CRYL1: variants seen among roughly 807,000 people sequenced by gnomAD.
CRYL1 encodes lambda-crystallin homolog.
In CRYL1, 29 loss-of-function variants were observed where a neutral mutation model predicts 36.6. The observed-to-expected ratio is 0.79, with a 90% CI of 0.59 to 1.08. The LOEUF is 1.08. CRYL1 is among the 50% of genes least tolerant of loss of function. The probability of loss-of-function intolerance (pLI) is 0.00; values close to 1 mark genes in which losing one functional copy is unlikely to be tolerated. For missense variants in CRYL1, 411 were observed against 407.9 expected, an observed-to-expected ratio of 1.01 and a Z score of -0.06; for synonymous variants, 152 against 151.5, an observed-to-expected ratio of 1.00 and a Z score of -0.02.
intron 3 of CRYL1, chr13:20,476,736 A>G: frequency 6.6e-6 from 1 of 152,384 alleles, no homozygotes; most frequent in Non-Finnish European, 1.5e-5. Context: ...TTAAAAACGC[A>G]GGCTCAGCAG....
chr13:20,422,882 G>A (rs2031852015), intron 5 of CRYL1, among the ~76,000 whole-genome samples: 1 of 152,176 alleles, frequency 6.6e-6, no homozygotes, highest in African/African-American at 2.4e-5. Flanking sequence ...TGGGCAGTAT[G>A]GACATTTTAA....
intron 5 of CRYL1, chr13:20,427,001 A>G (rs9552174): frequency 0.2 from 198,030 of 985,476 alleles, 20,499 homozygotes; most frequent in East Asian, 0.32. Context: ...CAGCAGGCTG[A>G]GAACCTGCCG....
Position 20,404,772 on chromosome 13 carries a change from T to A in CRYL1, c.740-31A>T, listed in dbSNP as rs1413662930. On this transcript the variant is annotated intron_variant, in intron 6 of 7. Coordinates refer to ENST00000298248, the MANE Select transcript of CRYL1 (RefSeq NM_015974.3). ...ATTGTATGAAGACAAGAATCCACAA[T>A]CTCAGAAAAAAACATTCTTAGTTAT... The A allele has an allele frequency of 2.1e-6, 3 of 1,435,898 alleles. No homozygotes were observed. In the Admixed American group the frequency reaches 5.3e-5, roughly 26 times the overall value. 88.9% of individuals were successfully genotyped at this position (1,435,898 alleles called of 1,614,324 possible).
At chr13:20,508,841 G>A (rs189647697) in intron 2 of CRYL1, among the ~76,000 whole-genome samples, 112 of 104,538 alleles carry the variant, frequency 1.1e-3, no homozygotes, top group African/African-American at 4.5e-3. Flanking sequence ...GTGGCAGAGC[G>A]AGACTCCAAA....
At chr13:20,450,882 TA>T (rs1481728039) in intron 3 of CRYL1, among the ~76,000 whole-genome samples, 1 of 151,836 alleles carries the variant, frequency 6.6e-6, no homozygotes, top group African/African-American at 2.4e-5. Flanking sequence ...TATGCAGCCA[TA>T]AAAAAGGATG....
intron 5 of CRYL1, chr13:20,426,777 T>A: frequency 1.0e-6 from 1 of 985,442 alleles, no homozygotes; most frequent in Non-Finnish European, 1.2e-6. Flanking sequence ...GGCAGACATG[T>A]CTGAAGTAAA....
intron 3 of CRYL1, among the ~76,000 whole-genome samples, chr13:20,451,401 G>A (rs939112937): frequency 1.3e-5 from 2 of 152,024 alleles, no homozygotes; most frequent in Admixed American, 1.3e-4. Context: ...ATTCAACAAA[G>A]TTCTAATATT....
chr13:20,494,569 C>T (rs998225676), intron 2 of CRYL1, among the ~76,000 whole-genome samples: 6 of 152,176 alleles, frequency 3.9e-5, no homozygotes, highest in Non-Finnish European at 5.9e-5. Context: ...TATGTCTGAG[C>T]GCCTGATGTG....
chr13:20,505,381 A>AAAAT (rs1292225610), intron 2 of CRYL1, among the ~76,000 whole-genome samples: 5 of 138,838 alleles, frequency 3.6e-5, no homozygotes, highest in African/African-American at 1.3e-4. Flanking sequence ...AAAAAAAAAA[A>AAAAT]ATCAGAATAT....
At chr13:20,412,520 G>A (rs904130498) in intron 6 of CRYL1, among the ~76,000 whole-genome samples, 13 of 152,126 alleles carry the variant, frequency 8.5e-5, no homozygotes, top group African/African-American at 3.1e-4. Flanking sequence ...TAACATCTAG[G>A]TTACATCTCT....
intron 6 of CRYL1, among the ~76,000 whole-genome samples, chr13:20,409,947 AGTTCAACCATT>A (rs1405989051): frequency 1.3e-5 from 2 of 152,088 alleles, no homozygotes; most frequent in East Asian, 1.9e-4. Context: ...ACTGTAAACT[AGTTCAACCATT>A]GTGGAAGTCT....
chr13:20,432,008 A>G lies in CRYL1; in HGVS notation c.633+94T>C, dbSNP rs1304219702. 7 of 1,598,386 alleles carry G rather than the reference A, an allele frequency of 4.4e-6. No individual in the cohort carries two copies. In the African/African-American group the frequency reaches 8.0e-5, roughly 18 times the overall value. ...ACTTTCCCAGCTTCCAGGCTGCCCA[A>G]GGAACAACTTTCACTGTCCTGCTCA... On this transcript the variant is annotated intron_variant, in intron 5 of 7. Transcript: ENST00000298248.
In CRYL1 at chr13:20,428,144, A is replaced by T. The variant is rs1310328218; in HGVS notation, c.633+3958T>A. On this transcript the variant is annotated intron_variant, in intron 5 of 7. Transcript: ENST00000298248. Reference sequence around the variant, plus strand: ...CAATCTCTTCCAGAAAATAGGAGGAAGAACTTCCCAATTCATTGTATGCAG... The same window carrying T: ...CAATCTCTTCCAGAAAATAGGAGGATGAACTTCCCAATTCATTGTATGCAG... Among the ~76,000 whole-genome samples, 4 of 152,350 alleles carry T rather than the reference A, an allele frequency of 2.6e-5. No individual in the cohort carries two copies. The East Asian group carries it at 7.7e-4, about 29-fold the overall frequency.
At chr13:20,496,470 G>A (rs970087505) in intron 2 of CRYL1, among the ~76,000 whole-genome samples, 5 of 152,150 alleles carry the variant, frequency 3.3e-5, no homozygotes, top group Admixed American at 6.5e-5. Flanking sequence ...TTAGAAAATC[G>A]TTTTGGCTAG....
Position 20,404,669 on chromosome 13 carries a change from T to C in CRYL1, c.812A>G (p.Glu271Gly), listed in dbSNP as rs769490135. The C allele has an allele frequency of 6.2e-7, 1 of 1,613,844 alleles. No homozygotes were observed. The change falls in exon 7 of 8, where the codon GAG becomes GGG. Residue 271 changes from glutamate to glycine, a missense_variant. By Grantham distance (98) the Glu-to-Gly change is moderately conservative. Transcript: ENST00000298248. ...CTTCTCAGCAGTGGCCCTGGAAAAC[T>C]CTGGAATGGGTCCAAAAGTCTGTAG... ...HVLQTFGPIP[E>G]FSRATAEKVN...
At chr13:20,479,473 C>T (rs184427750) in intron 3 of CRYL1, among the ~76,000 whole-genome samples, 1 of 152,232 alleles carries the variant, frequency 6.6e-6, no homozygotes, top group Non-Finnish European at 1.5e-5. Context: ...GTTTAACTTA[C>T]AATCGCACAG....
At chr13:20,472,608 A>G (rs988472893) in intron 3 of CRYL1, among the ~76,000 whole-genome samples, 4 of 152,192 alleles carry the variant, frequency 2.6e-5, no homozygotes, top group African/African-American at 9.6e-5. Flanking sequence ...GGCTAGCTAG[A>G]GTCAAAGGTT....
chr13:20,451,321 T>G (rs1011695569), intron 3 of CRYL1, among the ~76,000 whole-genome samples: 3 of 152,050 alleles, frequency 2.0e-5, no homozygotes, highest in Admixed American at 2.0e-4. Context: ...AGCTTCTGCA[T>G]AGTAAAAGAA....
intron 1 of CRYL1, among the ~76,000 whole-genome samples, chr13:20,521,774 T>C (rs1221338889): frequency 2.0e-5 from 3 of 152,234 alleles, no homozygotes; most frequent in Admixed American, 6.5e-5. Flanking sequence ...TTGAATAAAT[T>C]CACTTTAGAT....
Sources: gnomAD v4.1 joint callset for allele counts (sites outside exome capture counted in the v4.1 genomes callset) on GRCh38, gnomAD v4.1.1 for gene constraint, MANE v1.5 for transcripts, NCBI Gene and HGNC (gene_info 2026-07-23, HGNC 2026-07-21) for gene names.